THAP8: variants seen among roughly 807,000 people sequenced by gnomAD.
The protein encoded by THAP8 is THAP domain containing 8, also known as THAP domain-containing protein 8.
In THAP8, 24 loss-of-function variants were observed where a neutral mutation model predicts 25.0. That is an observed-to-expected ratio of 0.96 (90% CI 0.69 to 1.35). The LOEUF is 1.35. Among genes scored for constraint, THAP8 ranks in the 40% most tolerant of loss-of-function variants. The pLI is 0.00. For missense variants in THAP8, 399 were observed against 368.8 expected (o/e 1.08, Z -0.67); for synonymous variants, 169 against 157.6 (o/e 1.07, Z -0.54).
chr19:36,040,159 G>A lies in THAP8; in HGVS notation c.84-23C>T, dbSNP rs188765360. ...AACCTGCATGGGTGGTTGGGGGGCTGGGTCAGTGCTACGAGGTTCAGACTT... is the reference window on the plus strand; with the variant it reads ...AACCTGCATGGGTGGTTGGGGGGCTAGGTCAGTGCTACGAGGTTCAGACTT... On this transcript the variant is annotated intron_variant, in intron 1 of 3. Transcript: ENST00000292894. 8.3e-5 allele frequency: 132 copies of A among 1,589,126 alleles called. 2 individuals carry two copies. The East Asian group carries it at 2.5e-3, about 30-fold the overall frequency.
rs1599717627 is a variant in THAP8, at chr19:36,040,244, G to C, written c.84-108C>G. On this transcript the variant is annotated intron_variant, in intron 1 of 3. Transcript: ENST00000292894. ...TGGGCTCCAAGCCTGTGCCTCCCTA[G>C]GGCTAGGAAGTAGACCTGTCTTGTG... 2.5e-6 allele frequency: 3 copies of C among 1,177,134 alleles called. No individual in the cohort carries two copies. The East Asian group carries it at 7.8e-5, about 31-fold the overall frequency. The allele number at this position is 1,177,134 out of a possible 1,614,324, so 72.9% of individuals were successfully genotyped here. A position where few individuals can be genotyped will look rare whatever the true frequency, so the allele number is the denominator to read the frequency against.
chr19:36,038,720 G>A (rs1379181599), intron 3 of THAP8, among the ~76,000 whole-genome samples: 6 of 151,974 alleles, frequency 3.9e-5, no homozygotes, highest in East Asian at 1.9e-4. Flanking sequence ...GCGTGGTGGC[G>A]GGCACCTGTA....
At chr19:36,036,625 T>C (rs1410181765) in intron 3 of THAP8, among the ~76,000 whole-genome samples, 2 of 152,084 alleles carry the variant, frequency 1.3e-5, no homozygotes, top group Non-Finnish European at 2.9e-5. Context: ...CTGTGGGTCA[T>C]GTCCAAACCA....
At chr19:36,052,054 G>T (rs1970070916) in intron 1 of THAP8, among the ~76,000 whole-genome samples, 1 of 147,828 alleles carries the variant, frequency 6.8e-6, no homozygotes, top group African/African-American at 2.5e-5. Flanking sequence ...GGGTTTTTTG[G>T]TTTTTTTTTT....
At chr19:36,040,172 G>C in intron 1 of THAP8, 36 bp from the exon 2 acceptor site, 1 of 1,567,906 alleles carries the variant, frequency 6.4e-7, no homozygotes, top group South Asian at 1.1e-5. Context: ...TCAGTGCTAC[G>C]AGGTTCAGAC....
chr19:36,048,368 C>CT (rs574325189), intron 1 of THAP8, among the ~76,000 whole-genome samples: 20,008 of 141,018 alleles, frequency 0.14, 1,633 homozygotes, highest in Middle Eastern at 0.26. Context: ...GACTTCATTT[C>CT]TTTTTTTTTT....
chr19:36,053,315 G>A (rs60494861), intron 1 of THAP8, among the ~76,000 whole-genome samples: 1 of 126,166 alleles, frequency 7.9e-6, no homozygotes, highest in East Asian at 2.4e-4. Flanking sequence ...TGATCTGCCC[G>A]CCTCGGCCTC....
At chr19:36,044,874 T>C (rs1366593439) in intron 1 of THAP8, among the ~76,000 whole-genome samples, 1 of 152,054 alleles carries the variant, frequency 6.6e-6, no homozygotes, top group African/African-American at 2.4e-5. Flanking sequence ...AGGGTAAACA[T>C]AGGCACATCC....
chr19:36,053,819 T>C (rs557151369), intron 1 of THAP8, among the ~76,000 whole-genome samples: 1 of 152,272 alleles, frequency 6.6e-6, no homozygotes, highest in East Asian at 1.9e-4. Context: ...GAGTTTCAGA[T>C]GGCTCAAATG....
rs182217076 is a variant in THAP8 at position 36,048,611 on chromosome 19, T to C, written c.83+5524A>G. Among the ~76,000 whole-genome samples the C allele has an allele frequency of 2.5e-3, 378 of 152,066 alleles. 1 individual carries two copies. Among genetic ancestry groups the C allele is most frequent in the South Asian group, 0.019 (90 of 4,814 alleles). On this transcript the variant is annotated intron_variant, in intron 1 of 3. Coordinates refer to ENST00000292894, the MANE Select transcript of THAP8 (RefSeq NM_152658.3). ...AACTCCTGACCTCAGGTGATCCACTTGCCTCAACCTTCCAAAGTGCTGGGA... is the reference window on the plus strand; with the variant it reads ...AACTCCTGACCTCAGGTGATCCACTCGCCTCAACCTTCCAAAGTGCTGGGA...
rs1008968980 is a variant in THAP8 at position 36,041,007 on chromosome 19, A to G, written c.84-871T>C. On this transcript the variant is annotated intron_variant, in intron 1 of 3. Coordinates refer to ENST00000292894, the MANE Select transcript of THAP8 (RefSeq NM_152658.3). ...GGAAAACTGAACATGAACTGGTTATAAGATAATTGTAAGAAACTGGTCAGG... is the reference window on the plus strand; with the variant it reads ...GGAAAACTGAACATGAACTGGTTATGAGATAATTGTAAGAAACTGGTCAGG... Among the ~76,000 whole-genome samples the G allele has an allele frequency of 2.6e-5, 4 of 152,232 alleles. No homozygotes were observed. In the East Asian group the frequency reaches 7.7e-4, roughly 29 times the overall value.
At chr19:36,050,676 C>A (rs1489691075) in intron 1 of THAP8, among the ~76,000 whole-genome samples, 1 of 152,208 alleles carries the variant, frequency 6.6e-6, no homozygotes, top group Non-Finnish European at 1.5e-5. Context: ...TATCCATGAG[C>A]TCTGTCATGG....
intron 3 of THAP8, among the ~76,000 whole-genome samples, chr19:36,038,693 T>C (rs551714428): frequency 1.3e-4 from 19 of 151,962 alleles, no homozygotes; most frequent in Admixed American, 4.6e-4. Context: ...GTACTAAAAA[T>C]ACAAAAAATT....
At chr19:36,052,172 G>C (rs1970074481) in intron 1 of THAP8, among the ~76,000 whole-genome samples, 1 of 152,088 alleles carries the variant, frequency 6.6e-6, no homozygotes, top group Non-Finnish European at 1.5e-5. Flanking sequence ...AGCCTCCCAA[G>C]TAGCTGGGAT....
intron 1 of THAP8, among the ~76,000 whole-genome samples, chr19:36,042,476 G>C (rs1195885256): frequency 6.6e-6 from 1 of 151,918 alleles, no homozygotes; most frequent in Non-Finnish European, 1.5e-5. Context: ...ACAAAAAATA[G>C]AAAAATTAGC....
chr19:36,041,105 G>C (rs1969677112), intron 1 of THAP8, among the ~76,000 whole-genome samples: 1 of 150,568 alleles, frequency 6.6e-6, no homozygotes, highest in South Asian at 2.1e-4. Context: ...GAGCCCAGGA[G>C]TTCGAGACCA....
chr19:36,039,802 G>C (rs1969621869), intron 2 of THAP8, 84 bp from the exon 3 acceptor site: 1 of 1,506,578 alleles, frequency 6.6e-7, no homozygotes, highest in Non-Finnish European at 8.9e-7. Flanking sequence ...GTTTCCAAGG[G>C]GGACTTGCCT....
intron 1 of THAP8, among the ~76,000 whole-genome samples, chr19:36,053,302 A>G (rs1240481231): frequency 7.4e-6 from 1 of 136,042 alleles, no homozygotes; most frequent in Non-Finnish European, 1.5e-5. Context: ...TCCTGACCTC[A>G]GGTGATCTGC....
intron 3 of THAP8, among the ~76,000 whole-genome samples, chr19:36,037,148 AAACTGTGATTTTCAGAGACAT>A (rs1969484457): frequency 6.6e-6 from 1 of 151,620 alleles, no homozygotes; most frequent in Non-Finnish European, 1.5e-5. Context: ...CGCCTTGGTC[AAACTGTGATTTTCAGAGACAT>A]AACACCATTC....
Sources: allele counts gnomAD v4.1 joint callset (sites outside exome capture counted in the v4.1 genomes callset), GRCh38; gene constraint gnomAD v4.1.1; transcripts MANE v1.5; gene names NCBI Gene and HGNC (gene_info 2026-07-23, HGNC 2026-07-21).